The following TMEM79 variants were observed in gnomAD, a reference collection of about 807,000 sequenced individuals.
TMEM79 encodes mattrin.
In TMEM79, 30 loss-of-function variants were observed where a neutral mutation model predicts 31.2. The observed-to-expected ratio is 0.96, with a 90% CI of 0.72 to 1.30. The LOEUF is 1.30. Among genes scored for constraint, TMEM79 ranks in the 50% most tolerant of loss-of-function variants. The pLI is 0.00. For missense variants in TMEM79, 509 were observed against 528.2 expected, an observed-to-expected ratio of 0.96 and a Z score of 0.36; for synonymous variants, 213 against 229.5, an observed-to-expected ratio of 0.93 and a Z score of 0.65.
rs1039428419 is a variant in TMEM79, at chr1:156,291,764, C to G, written c.*166C>G. On this transcript the variant is annotated 3_prime_UTR_variant, in exon 4 of 4. Coordinates refer to ENST00000405535, the MANE Select transcript of TMEM79 (RefSeq NM_032323.3). ...CAATCAATCGGAGTTCTCCCCTTGC[C>G]GGAGCTGCCCTTCACCTTTGGGGCC... The G allele has an allele frequency of 3.7e-5, 24 of 640,108 alleles. No homozygotes were observed. Among genetic ancestry groups the G allele is most frequent in the Non-Finnish European group, 6.3e-5 (23 of 364,588 alleles). 39.7% of individuals were successfully genotyped at this position (640,108 alleles called of 1,614,324 possible).
intron 3 of TMEM79, among the ~76,000 whole-genome samples, chr1:156,289,735 G>A (rs922006299): frequency 3.3e-5 from 5 of 152,322 alleles, no homozygotes; most frequent in South Asian, 2.1e-4. Flanking sequence ...AAAGAATAGA[G>A]GCACATGAAT....
upstream of TMEM79, chr1:156,283,118 C>T: frequency 3.0e-6 from 1 of 338,358 alleles, no homozygotes; most frequent in East Asian, 4.5e-5. Flanking sequence ...GTCATTTGGT[C>T]CATCCTTCTG....
intron 1 of TMEM79, 110 bp from the exon 2 acceptor site, chr1:156,285,074 G>T: frequency 1.1e-6 from 1 of 871,142 alleles, no homozygotes; most frequent in Non-Finnish European, 1.6e-6. Flanking sequence ...GGCTCCAGAA[G>T]GGGCCAAAAC....
chr1:156,285,336 G>A lies in TMEM79; in HGVS notation c.110G>A (p.Gly37Asp). 6.4e-7 allele frequency: 1 copy of A among 1,573,404 alleles called. No homozygotes were observed. Among genetic ancestry groups the A allele is most frequent in the South Asian group, 1.2e-5 (1 of 83,652 alleles). ...VPNGRQPEGE[G>D]GAESPGAESL... Reference sequence around the variant, plus strand: ...AATGGCCGGCAGCCAGAAGGGGAAGGTGGGGCCGAATCCCCGGGAGCTGAG... The same window carrying A: ...AATGGCCGGCAGCCAGAAGGGGAAGATGGGGCCGAATCCCCGGGAGCTGAG... Residue 37 changes from glycine (G) to aspartate (D), a missense_variant, in exon 2 of 4, where the codon GGT (glycine) becomes GAT (aspartate). Gly to Asp is a moderately conservative substitution (Grantham distance 94). Coordinates refer to ENST00000405535, the MANE Select transcript of TMEM79 (RefSeq NM_032323.3).
intron 3 of TMEM79, among the ~76,000 whole-genome samples, chr1:156,289,937 A>C (rs879535550): frequency 6.6e-6 from 1 of 152,128 alleles, no homozygotes; most frequent in African/African-American, 2.4e-5. Context: ...CTGCCCCTCA[A>C]ATTGGCAGAA....
chr1:156,283,006 C>A (rs1663042152), upstream of TMEM79: 2 of 508,552 alleles, frequency 3.9e-6, no homozygotes, highest in Non-Finnish European at 3.5e-6. Flanking sequence ...ATTGGCAAAG[C>A]TATCAGAGAA....
At position 156,291,943 on chromosome 1, in the gene TMEM79, T is replaced by C. The variant is rs945169005; in HGVS notation, c.*345T>C. ...TCACCACTGCCACAAGGCTCCCTAA[T>C]GCTGGTCTCTGCTCCACTCCCCGGC... On this transcript the variant is annotated 3_prime_UTR_variant, in exon 4 of 4. Transcript: ENST00000405535. 8 of 537,358 alleles carry C rather than the reference T, an allele frequency of 1.5e-5. No individual in the cohort carries two copies. The highest frequency in any genetic ancestry group is 4.8e-4 in the Middle Eastern group (1 of 2,094). 33.3% of individuals were successfully genotyped at this position (537,358 alleles called of 1,614,324 possible). A position where few individuals can be genotyped will look rare whatever the true frequency, so the allele number is the denominator to read the frequency against.
rs762551106 is a variant in TMEM79, at chr1:156,286,346, C to G, written c.844C>G (p.Arg282Gly). The change falls in exon 3 of 4, where the codon CGA becomes GGA. Residue 282 changes from arginine to glycine, a missense_variant. Transcript: ENST00000405535. Reference sequence around the variant, plus strand: ...ACGGCGGGAGGTGGAGATCCACCGGCGATATGTGGCCCAGTCGGTCCAGCT... The same window carrying G: ...ACGGCGGGAGGTGGAGATCCACCGGGGATATGTGGCCCAGTCGGTCCAGCT... ...EPRREVEIHRRYVAQSVQLFI... is the reference protein window; with the variant it reads ...EPRREVEIHRGYVAQSVQLFI... The G allele has an allele frequency of 3.7e-6, 6 of 1,614,176 alleles. No homozygotes were observed. The Admixed American group carries it at 1.0e-4, about 27-fold the overall frequency.
Position 156,291,873 on chromosome 1 carries a change from G to A in TMEM79, c.*275G>A, listed in dbSNP as rs1663349458. ...GTTTCTTAAGGATGCTGAGGGCATG[G>A]GGCCAGGACCAGGGGAGAGGCACAG... is the stretch of plus-strand genomic sequence containing the variant. On this transcript the variant is annotated 3_prime_UTR_variant, in exon 4 of 4. Coordinates refer to ENST00000405535, the MANE Select transcript of TMEM79 (RefSeq NM_032323.3). 1.7e-6 allele frequency: 1 copy of A among 594,114 alleles called. No individual in the cohort carries two copies. Among genetic ancestry groups the A allele is most frequent in the Non-Finnish European group, 3.0e-6 (1 of 333,302 alleles). The allele number at this position is 594,114 out of a possible 1,614,324, so 36.8% of individuals were successfully genotyped here. A position where few individuals can be genotyped will look rare whatever the true frequency, so the allele number is the denominator to read the frequency against.
In TMEM79 at chr1:156,285,787, G is replaced by C. The variant is rs958121045; in HGVS notation, c.561G>C (p.Gly187=). 1.2e-6 allele frequency: 2 copies of C among 1,613,498 alleles called. No homozygotes were observed. The highest frequency in any genetic ancestry group is 1.7e-6 in the Non-Finnish European group (2 of 1,180,000). The change falls in exon 2 of 4, where the codon GGG becomes GGC. Residue 187 remains glycine (G), a synonymous_variant. Transcript: ENST00000405535. ...TGAGGCCGCCTGGCTGTTCCTGTGG[G>C]GGCTGCGGGAGCTGTGGAGACCGTG... ...AVVRPPGCSC[G]GCGSCGDREW...
chr1:156,285,376 G>GT lies in TMEM79; in HGVS notation c.151dup (p.Ser51PhefsTer13). The GT allele has an allele frequency of 6.3e-7, 1 of 1,583,996 alleles. No individual in the cohort carries two copies. Among genetic ancestry groups the GT allele is most frequent in the Non-Finnish European group, 8.6e-7 (1 of 1,164,544 alleles). ...CGGGAGCTGAGTCCCTCAGAGTGGG[G>GT]TCTTCAGCTGGATCTCCCACAGCCA... On this transcript the variant is annotated frameshift_variant, in exon 2 of 4. Transcript: ENST00000405535. LOFTEE classifies it high-confidence loss of function.
At chr1:156,288,041 C>T (rs1663216827) in intron 3 of TMEM79, among the ~76,000 whole-genome samples, 4 of 151,800 alleles carry the variant, frequency 2.6e-5, no homozygotes, top group South Asian at 4.2e-4. Context: ...GGTGAAACCC[C>T]GTCTCTATTA....
intron 3 of TMEM79, among the ~76,000 whole-genome samples, chr1:156,286,847 G>T (rs2101589162): frequency 6.6e-6 from 1 of 152,352 alleles, no homozygotes; most frequent in South Asian, 2.1e-4. Flanking sequence ...GACAAGGCTG[G>T]GTGCAGTGGC....
At chr1:156,283,553 G>A (rs1233568355), upstream of TMEM79, among the ~76,000 whole-genome samples, 1 of 152,116 alleles carries the variant, frequency 6.6e-6, no homozygotes, top group African/African-American at 2.4e-5. Flanking sequence ...AATCAGGGCA[G>A]GTGGGCTTAC....
chr1:156,288,459 C>A (rs991243244), intron 3 of TMEM79, among the ~76,000 whole-genome samples: 1 of 151,956 alleles, frequency 6.6e-6, no homozygotes, highest in Non-Finnish European at 1.5e-5. Context: ...CTCAGCCCCC[C>A]GAGTAGCTGA....
chr1:156,291,557 G>T lies in TMEM79; in HGVS notation c.1144G>T (p.Ala382Ser), dbSNP rs1296736810. The change falls in exon 4 of 4, where the codon GCC becomes TCC. Residue 382 changes from alanine to serine, a missense_variant. Transcript: ENST00000405535. ...TESRLDYPDH[A>S]RSASDYRPRP... ...GAGCCGCCTGGACTACCCGGACCAC[G>T]CCCGCTCGGCCTCCGACTACAGGCC... 1 of 1,610,506 alleles carries T rather than the reference G, an allele frequency of 6.2e-7. No individual in the cohort carries two copies.
rs1470514510 is a variant in TMEM79, at chr1:156,290,737, G to A, written c.972-648G>A. 4 of 151,822 alleles carry A rather than the reference G, an allele frequency of 2.6e-5. No homozygotes were observed. In the East Asian group the frequency reaches 5.8e-4, roughly 22 times the overall value. The allele number at this position is 151,822 out of a possible 1,614,324, so 9.4% of individuals were successfully genotyped here. ...TCAGCTACTCAGGAGGCTGAGGCAG[G>A]AGAATTGCTTGAACCCGGGAGGCGG... On this transcript the variant is annotated intron_variant, in intron 3 of 3. Transcript: ENST00000405535.
Position 156,285,813 on chromosome 1 carries a change from A to G in TMEM79, c.587A>G (p.Glu196Gly), listed in dbSNP as rs1424899420. 6.2e-7 allele frequency: 1 copy of G among 1,613,676 alleles called. No homozygotes were observed. The highest frequency in any genetic ancestry group is 8.5e-7 in the Non-Finnish European group (1 of 1,180,010). Reference sequence around the variant, plus strand: ...GGCTGCGGGAGCTGTGGAGACCGTGAGTGGCTAAGGGCTGTGGCCTCCGTG... The same window carrying G: ...GGCTGCGGGAGCTGTGGAGACCGTGGGTGGCTAAGGGCTGTGGCCTCCGTG... Reference protein sequence around the residue: ...CGGCGSCGDREWLRAVASVGA... With the variant: ...CGGCGSCGDRGWLRAVASVGA... The change falls in exon 2 of 4, where the codon GAG (glutamate) becomes GGG (glycine). Residue 196 changes from glutamate to glycine, a missense_variant. Coordinates refer to ENST00000405535, the MANE Select transcript of TMEM79 (RefSeq NM_032323.3).
At chr1:156,283,720 CCTT>C (rs895835813), upstream of TMEM79, among the ~76,000 whole-genome samples, 15 of 152,334 alleles carry the variant, frequency 9.8e-5, no homozygotes, top group Admixed American at 8.5e-4. Flanking sequence ...CAGCCACCCA[CCTT>C]CTTTCTGTTC....
Sources: allele counts gnomAD v4.1 joint callset (sites outside exome capture counted in the v4.1 genomes callset), GRCh38; gene constraint gnomAD v4.1.1; transcripts MANE v1.5; gene names NCBI Gene and HGNC (gene_info 2026-07-23, HGNC 2026-07-21).